SENP7: variants seen among roughly 807,000 people sequenced by gnomAD.
SENP7 encodes the protein sentrin-specific protease 7.
Under a neutral mutation model 141.2 loss-of-function variants are expected in SENP7, and 64 were observed. The observed-to-expected ratio is 0.45, with a 90% CI of 0.37 to 0.56. The LOEUF is 0.56. SENP7 is among the 20% of genes least tolerant of loss of function. The pLI is 0.00. For synonymous variants in SENP7, 382 were observed against 426.4 expected (o/e 0.90, Z 1.28); for missense variants, 1,025 against 1,212.2 (o/e 0.85, Z 2.29).
At chr3:101,367,201 A>C (rs992800652) in intron 8 of SENP7, among the ~76,000 whole-genome samples, 6 of 152,296 alleles carry the variant, frequency 3.9e-5, no homozygotes, top group African/African-American at 1.4e-4. Flanking sequence ...CACTGCCTTC[A>C]ATATCTCATT....
chr3:101,451,950 A>T (rs936080035), intron 4 of SENP7, among the ~76,000 whole-genome samples: 1 of 152,236 alleles, frequency 6.6e-6, no homozygotes, highest in East Asian at 1.9e-4. Context: ...ACATGATTGT[A>T]TATCTAGAAA....
At chr3:101,351,276 A>G (rs964072223) in intron 12 of SENP7, among the ~76,000 whole-genome samples, 18 of 152,058 alleles carry the variant, frequency 1.2e-4, no homozygotes, top group African/African-American at 4.3e-4. Context: ...ATGCAAAAAC[A>G]TTTTACATGT....
intron 3 of SENP7, among the ~76,000 whole-genome samples, chr3:101,472,697 A>G (rs1027953716): frequency 1.3e-5 from 2 of 152,144 alleles, no homozygotes; most frequent in African/African-American, 4.8e-5. Context: ...GTAAACAATA[A>G]AAGAATAGAG....
chr3:101,334,855 G>A lies in SENP7; in HGVS notation c.2481-1993C>T, dbSNP rs115802867. Among the ~76,000 whole-genome samples, 1,027 of 152,132 alleles carry A rather than the reference G, an allele frequency of 6.8e-3. 8 individuals are homozygous for A. The highest frequency in any genetic ancestry group is 0.024 in the African/African-American group (981 of 41,516). ...CAAGGAGGATAGGAGAGAATATGAG[G>A]GCCAAACATAATCTCCTATTCTCAG... On this transcript the variant is annotated intron_variant, in intron 17 of 23. Transcript: ENST00000394095.
At chr3:101,374,005 C>A (rs4683893) in intron 6 of SENP7, among the ~76,000 whole-genome samples, 60,381 of 151,914 alleles carry the variant, frequency 0.4, 12,511 homozygotes, top group Admixed American at 0.54. Context: ...AAATATTTTC[C>A]AATGCAACAA....
chr3:101,449,974 C>G (rs1272138441), intron 4 of SENP7, among the ~76,000 whole-genome samples: 1 of 152,090 alleles, frequency 6.6e-6, no homozygotes, highest in Non-Finnish European at 1.5e-5. Context: ...ACCCATTTCA[C>G]GTGCAGAGAC....
At chr3:101,423,371 GA>G (rs1370182571) in intron 4 of SENP7, among the ~76,000 whole-genome samples, 1 of 152,168 alleles carries the variant, frequency 6.6e-6, no homozygotes, top group East Asian at 1.9e-4. Flanking sequence ...ACCTCCATTA[GA>G]AAGGGTGATA....
In SENP7 at chr3:101,415,116, A is replaced by C. The variant is rs115478976; in HGVS notation, c.482+2477T>G. ...GAGGTCACTAACTTAGAAGGGAAAAAAAAGTTTTCTGGGTCTTTGTTTTCT... is the reference window on the plus strand; with the variant it reads ...GAGGTCACTAACTTAGAAGGGAAAACAAAGTTTTCTGGGTCTTTGTTTTCT... On this transcript the variant is annotated intron_variant, in intron 5 of 23. Coordinates refer to ENST00000394095, the MANE Select transcript of SENP7 (RefSeq NM_020654.5). Among the ~76,000 whole-genome samples the C allele has an allele frequency of 6.1e-3, 923 of 152,248 alleles. 4 individuals are homozygous for C. Among genetic ancestry groups the C allele is most frequent in the African/African-American group, 0.021 (890 of 41,542 alleles).
chr3:101,359,714 G>A (rs999507545), intron 11 of SENP7, among the ~76,000 whole-genome samples: 2 of 152,046 alleles, frequency 1.3e-5, no homozygotes, highest in South Asian at 2.1e-4. Context: ...TACATATTAT[G>A]TAATATCCCT....
intron 6 of SENP7, among the ~76,000 whole-genome samples, chr3:101,385,912 A>G (rs2060639781): frequency 6.6e-6 from 1 of 152,228 alleles, no homozygotes; most frequent in African/African-American, 2.4e-5. Flanking sequence ...TCAGGATATC[A>G]AGACACCTCC....
intron 4 of SENP7, among the ~76,000 whole-genome samples, chr3:101,450,070 G>A (rs1158322178): frequency 1.3e-5 from 2 of 151,566 alleles, no homozygotes; most frequent in African/African-American, 2.4e-5. Context: ...TCCTAGTCTC[G>A]GATAAAACAG....
intron 11 of SENP7, among the ~76,000 whole-genome samples, chr3:101,352,825 T>C (rs1220382081): frequency 6.6e-6 from 1 of 151,970 alleles, no homozygotes; most frequent in Non-Finnish European, 1.5e-5. Context: ...ACTCCACTTA[T>C]TTTCCAATTT....
At chr3:101,381,434 C>G (rs1381272460) in intron 6 of SENP7, among the ~76,000 whole-genome samples, 1 of 151,868 alleles carries the variant, frequency 6.6e-6, no homozygotes, top group Admixed American at 6.6e-5. Context: ...TGATTATAAT[C>G]ATTTAATCCA....
At chr3:101,378,118 A>G (rs2060387525) in intron 6 of SENP7, among the ~76,000 whole-genome samples, 3 of 150,772 alleles carry the variant, frequency 2.0e-5, no homozygotes, top group African/African-American at 4.9e-5. Flanking sequence ...GTCTATTTAC[A>G]GTAGTTGCTT....
Position 101,496,194 on chromosome 3 carries a change from T to C in SENP7, c.91-2226A>G, listed in dbSNP as rs980283474. On this transcript the variant is annotated intron_variant, in intron 2 of 23. Coordinates refer to ENST00000394095, the MANE Select transcript of SENP7 (RefSeq NM_020654.5). ...CCTTAATTCACCCAGTGAAATAAGTTCTTAATTGAACTTTAGAATATCTCT... is the reference window on the plus strand; with the variant it reads ...CCTTAATTCACCCAGTGAAATAAGTCCTTAATTGAACTTTAGAATATCTCT... 2.0e-5 allele frequency among the ~76,000 whole-genome samples: 3 copies of C among 152,322 alleles called. No homozygotes were observed. In the East Asian group the frequency reaches 5.8e-4, roughly 29 times the overall value.
At chr3:101,443,897 C>T (rs1243883041) in intron 4 of SENP7, among the ~76,000 whole-genome samples, 5 of 151,342 alleles carry the variant, frequency 3.3e-5, no homozygotes, top group Admixed American at 6.6e-5. Context: ...CAAACAGGAG[C>T]AATTTGACTA....
chr3:101,334,413 G>C (rs1418862774), intron 17 of SENP7, among the ~76,000 whole-genome samples: 1 of 150,464 alleles, frequency 6.6e-6, no homozygotes, highest in Non-Finnish European at 1.5e-5. Context: ...TCTTATTGCA[G>C]GAAAAAAAAA....
intron 16 of SENP7, among the ~76,000 whole-genome samples, chr3:101,338,702 A>G (rs1230039863): frequency 1.3e-5 from 2 of 152,130 alleles, no homozygotes; most frequent in Non-Finnish European, 2.9e-5. Flanking sequence ...AGAACTACCC[A>G]AAAAGATCAG....
At chr3:101,512,962 C>T in intron 1 of SENP7, 129 bp downstream of exon 1, 2 of 1,004,126 alleles carry the variant, frequency 2.0e-6, no homozygotes, top group Admixed American at 1.7e-5. Context: ...CCATTGTGCG[C>T]GCCCCTTCCT....
Sources: allele counts gnomAD v4.1 joint callset (sites outside exome capture counted in the v4.1 genomes callset), GRCh38; gene constraint gnomAD v4.1.1; transcripts MANE v1.5; gene names NCBI Gene and HGNC (gene_info 2026-07-23, HGNC 2026-07-21).